ZC2HC1B: variants seen among roughly 807,000 people sequenced by gnomAD.
ZC2HC1B encodes the protein zinc finger C2HC domain-containing protein 1B.
Under a neutral mutation model 31.0 loss-of-function variants are expected in ZC2HC1B, and 36 were observed. The observed-to-expected ratio is 1.16, with a 90% CI of 0.89 to 1.54. The LOEUF (loss-of-function observed/expected upper bound fraction) is 1.54, where lower values mean the gene tolerates loss of function less well. Among genes scored for constraint, ZC2HC1B ranks in the 40% most tolerant of loss-of-function variants. The pLI is 0.00. For synonymous variants in ZC2HC1B, 73 were observed against 88.0 expected (o/e 0.83, Z 0.95); for missense variants, 260 against 268.6 (o/e 0.97, Z 0.22).
At chr6:143,893,961 C>T (rs914475783) in intron 4 of ZC2HC1B, among the ~76,000 whole-genome samples, 1 of 152,202 alleles carries the variant, frequency 6.6e-6, no homozygotes, top group African/African-American at 2.4e-5. Flanking sequence ...GTTGGGATTA[C>T]AGGTGTGAGC....
rs1777545326 is a variant in ZC2HC1B, at chr6:143,887,590, T to G, written c.349+769T>G. On this transcript the variant is annotated intron_variant, in intron 4 of 7. Coordinates refer to ENST00000237275, the MANE Select transcript of ZC2HC1B (RefSeq NM_001013623.3). This position sits in a 1 kb window ranked among gnomAD's most constrained non-coding sequence, Gnocchi z 5.1. The stretch of plus-strand genomic sequence containing the variant: ...CAGGATCCAATCACAGTTTACATAT[T>G]ACCTTTTGTTATCTCTTCGGTCTTT... Among the ~76,000 whole-genome samples the G allele has an allele frequency of 6.6e-6, 1 of 152,174 alleles. No individual in the cohort carries two copies. The highest frequency in any genetic ancestry group is 2.4e-5 in the African/African-American group (1 of 41,454).
rs1349467417 is a variant in ZC2HC1B at position 143,868,174 on chromosome 6, T to C, written c.28+3607T>C. Among the ~76,000 whole-genome samples the C allele has an allele frequency of 6.6e-6, 1 of 152,236 alleles. No homozygotes were observed. Among genetic ancestry groups the C allele is most frequent in the Admixed American group, 6.5e-5 (1 of 15,286 alleles). On this transcript the variant is annotated intron_variant, in intron 1 of 7. Coordinates refer to ENST00000237275, the MANE Select transcript of ZC2HC1B (RefSeq NM_001013623.3). The surrounding 1 kb of genome is among the most constrained non-coding windows in gnomAD (Gnocchi z 4.2). ...TTTTTCTTTGGAAGTCTGTAGAATC[T>C]GTCTTCACTGTTCTGAAACTTCCAT...
Position 143,921,833 on chromosome 6 carries a change from G to T in ZC2HC1B, c.599-15816G>T, listed in dbSNP as rs1301154389. 3.3e-5 allele frequency among the ~76,000 whole-genome samples: 5 copies of T among 152,216 alleles called. No homozygotes were observed. The East Asian group carries it at 9.6e-4, about 29-fold the overall frequency. ...TGTAGCTCTTGCTACCCAGGAGACT[G>T]AGGTGGGAGGATTGCTTGAGTCCAG... On this transcript the variant is annotated intron_variant, in intron 6 of 7. Transcript: ENST00000237275. The surrounding 1 kb of genome is among the most constrained non-coding windows in gnomAD (Gnocchi z 6.1).
chr6:143,870,836 T>G lies in ZC2HC1B; in HGVS notation c.28+6269T>G, dbSNP rs1777327502. Among the ~76,000 whole-genome samples the G allele has an allele frequency of 6.6e-6, 1 of 152,138 alleles. No individual in the cohort carries two copies. Among genetic ancestry groups the G allele is most frequent in the Admixed American group, 6.5e-5 (1 of 15,274 alleles). ...TCTGCCACTGACACCTCAAGTACCATTGGATCTGCTGGGTCATATGGCCCA... is the reference window on the plus strand; with the variant it reads ...TCTGCCACTGACACCTCAAGTACCAGTGGATCTGCTGGGTCATATGGCCCA... On this transcript the variant is annotated intron_variant, in intron 1 of 7. Transcript: ENST00000237275. The surrounding 1 kb of genome is among the most constrained non-coding windows in gnomAD (Gnocchi z 4.7).
intron 5 of ZC2HC1B, among the ~76,000 whole-genome samples, chr6:143,901,829 T>C (rs12190305): frequency 4.1e-4 from 63 of 152,160 alleles, no homozygotes; most frequent in Non-Finnish European, 5.4e-4. Context: ...ATGACTACTT[T>C]GGGCTTGAAC....
chr6:143,906,963 G>A (rs1346683817), intron 6 of ZC2HC1B, among the ~76,000 whole-genome samples: 1 of 152,094 alleles, frequency 6.6e-6, no homozygotes, highest in Admixed American at 6.6e-5. Context: ...CCCATTGTGT[G>A]TTGTTCTCCA....
intron 1 of ZC2HC1B, among the ~76,000 whole-genome samples, chr6:143,866,681 C>T (rs1345460533): frequency 6.6e-6 from 1 of 152,182 alleles, no homozygotes; most frequent in Non-Finnish European, 1.5e-5. Flanking sequence ...TTTACTGTTA[C>T]ATTTTCAATA....
rs1040704655 is a variant in ZC2HC1B at position 143,887,901 on chromosome 6, A to C, written c.349+1080A>C. Reference sequence around the variant, plus strand: ...CTCTCTTGATAATAGCCTTTAATACACAAAAGTTTTTCATTTTGATGATGT... The same window carrying C: ...CTCTCTTGATAATAGCCTTTAATACCCAAAAGTTTTTCATTTTGATGATGT... On this transcript the variant is annotated intron_variant, in intron 4 of 7. Transcript: ENST00000237275. The surrounding 1 kb of genome is among the most constrained non-coding windows in gnomAD (Gnocchi z 5.1). Among the ~76,000 whole-genome samples the C allele has an allele frequency of 3.9e-5, 6 of 152,032 alleles. No homozygotes were observed. Among genetic ancestry groups the C allele is most frequent in the African/African-American group, 1.4e-4 (6 of 41,438 alleles).
At chr6:143,916,445 G>C (rs373653607) in intron 6 of ZC2HC1B, among the ~76,000 whole-genome samples, 1 of 152,210 alleles carries the variant, frequency 6.6e-6, no homozygotes, top group Non-Finnish European at 1.5e-5. Flanking sequence ...CTGGGGCACC[G>C]TCTAGTGGAG....
Position 143,899,022 on chromosome 6 carries a change from C to T in ZC2HC1B, c.489+331C>T, listed in dbSNP as rs760855745. 3.3e-5 allele frequency among the ~76,000 whole-genome samples: 5 copies of T among 152,198 alleles called. No homozygotes were observed. The highest frequency in any genetic ancestry group is 7.3e-5 in the Non-Finnish European group (5 of 68,046). On this transcript the variant is annotated intron_variant, in intron 5 of 7. Transcript: ENST00000237275. This position sits in a 1 kb window ranked among gnomAD's most constrained non-coding sequence, Gnocchi z 5.0. ...AATCACCCAGAAAAGAATTGCGAAC[C>T]TGAAGTGAAACTGCCTGAGTGGGAC... is the stretch of plus-strand genomic sequence containing the variant.
In ZC2HC1B at chr6:143,917,678, T is replaced by G. The variant is rs1777934730; in HGVS notation, c.598+14526T>G. Among the ~76,000 whole-genome samples the G allele has an allele frequency of 6.6e-6, 1 of 152,298 alleles. No homozygotes were observed. Among genetic ancestry groups the G allele is most frequent in the South Asian group, 2.1e-4 (1 of 4,830 alleles). ...TTTTGAGCACTGACATGACATGCAA[T>G]TGATTTTTGGATTAGTGATGTTCAA... On this transcript the variant is annotated intron_variant, in intron 6 of 7. Transcript: ENST00000237275. The surrounding 1 kb of genome is among the most constrained non-coding windows in gnomAD (Gnocchi z 4.1).
chr6:143,890,190 T>C (rs964996314), intron 4 of ZC2HC1B, among the ~76,000 whole-genome samples: 6 of 152,040 alleles, frequency 3.9e-5, no homozygotes, highest in African/African-American at 1.4e-4. Flanking sequence ...ATGTTTATAA[T>C]AGAAAAGAGA....
At position 143,933,183 on chromosome 6, in the gene ZC2HC1B, C is replaced by T. The variant is rs1489359167; in HGVS notation, c.599-4466C>T. ...GGACCACTGGTTAGCCAGGATGTTT[C>T]AGGCAGTGGAATTAGCTGCTGTTTT... On this transcript the variant is annotated intron_variant, in intron 6 of 7. Transcript: ENST00000237275. This position sits in a 1 kb window ranked among gnomAD's most constrained non-coding sequence, Gnocchi z 6.4. Among the ~76,000 whole-genome samples, 1 of 152,202 alleles carries T rather than the reference C, an allele frequency of 6.6e-6. No homozygotes were observed. Among genetic ancestry groups the T allele is most frequent in the Non-Finnish European group, 1.5e-5 (1 of 68,048 alleles).
Position 143,917,763 on chromosome 6 carries a change from CA to C in ZC2HC1B, c.598+14613del, listed in dbSNP as rs1271677281. 6.6e-6 allele frequency among the ~76,000 whole-genome samples: 1 copy of C among 152,174 alleles called. No homozygotes were observed. Among genetic ancestry groups the C allele is most frequent in the East Asian group, 1.9e-4 (1 of 5,200 alleles). ...AAAAAAATCTGCAACACTTTGGTCC[CA>C]AGCATTTCAGATAAGGGATCCTTAA... is the stretch of plus-strand genomic sequence containing the variant. On this transcript the variant is annotated intron_variant, in intron 6 of 7. Transcript: ENST00000237275. This position sits in a 1 kb window ranked among gnomAD's most constrained non-coding sequence, Gnocchi z 4.1.
chr6:143,934,269 T>C lies in ZC2HC1B; in HGVS notation c.599-3380T>C, dbSNP rs192811116. On this transcript the variant is annotated intron_variant, in intron 6 of 7. Transcript: ENST00000237275. The surrounding 1 kb of genome is among the most constrained non-coding windows in gnomAD (Gnocchi z 4.6). ...AAAGGATCTGTGATTTCTTTTGTTT[T>C]TCCTGGTATGCTCCTGCAGTTGTTC... 6.6e-6 allele frequency among the ~76,000 whole-genome samples: 1 copy of C among 152,352 alleles called. No homozygotes were observed. Among genetic ancestry groups the C allele is most frequent in the East Asian group, 1.9e-4 (1 of 5,184 alleles).
Position 143,882,046 on chromosome 6 carries a change from G to C in ZC2HC1B, c.29-2258G>C, listed in dbSNP as rs114819975. 7.3e-3 allele frequency among the ~76,000 whole-genome samples: 1,109 copies of C among 152,040 alleles called. 15 individuals are homozygous for C. The highest frequency in any genetic ancestry group is 0.026 in the African/African-American group (1,064 of 41,426). ...TACTTGGAAAGAGACTCAAATTCAA[G>C]TCTCAGTATTACCACTTACTACCTG... On this transcript the variant is annotated intron_variant, in intron 1 of 7. Transcript: ENST00000237275.
At chr6:143,909,800 TTTC>T (rs2128495894) in intron 6 of ZC2HC1B, among the ~76,000 whole-genome samples, 1 of 152,262 alleles carries the variant, frequency 6.6e-6, no homozygotes, top group African/African-American at 2.4e-5. Context: ...TCTTCTCTCT[TTTC>T]TTCTTTACTA....
intron 6 of ZC2HC1B, among the ~76,000 whole-genome samples, chr6:143,936,415 A>T (rs56401731): frequency 0.013 from 2,025 of 152,356 alleles, 20 homozygotes; most frequent in Non-Finnish European, 0.02. Flanking sequence ...GTTTTGGGAA[A>T]AATGGGTCCA....
rs1377841574 is a variant in ZC2HC1B, at chr6:143,864,496, G to C, written c.-44G>C. The C allele has an allele frequency of 6.5e-7, 1 of 1,550,314 alleles. No homozygotes were observed. The highest frequency in any genetic ancestry group is 1.2e-5 in the South Asian group (1 of 83,988). ...ACTAGTATGATGTTATCTGGACTGG[G>C]CTGTAAAAATCTGTGAACACTGTTG... On this transcript the variant is annotated 5_prime_UTR_variant, in exon 1 of 8. Transcript: ENST00000237275.
Sources: gnomAD v4.1 joint callset for allele counts (sites outside exome capture counted in the v4.1 genomes callset) on GRCh38, gnomAD v4.1.1 for gene constraint, Gnocchi (gnomAD v3.1) non-coding constraint, MANE v1.5 for transcripts, NCBI Gene and HGNC (gene_info 2026-07-23, HGNC 2026-07-21) for gene names.